CLVS1: variants seen among roughly 807,000 people sequenced by gnomAD.
The protein encoded by CLVS1 is clavesin 1.
In CLVS1, 10 loss-of-function variants were observed where a neutral mutation model predicts 33.1. That is an observed-to-expected ratio of 0.30 (90% CI 0.19 to 0.51). The LOEUF (loss-of-function observed/expected upper bound fraction) is 0.51. Among genes scored for constraint, CLVS1 ranks in the 20% least tolerant of loss-of-function variants. The pLI, the probability that CLVS1 is intolerant of heterozygous loss-of-function variation, is 0.97. For synonymous variants in CLVS1, 163 were observed against 166.1 expected (o/e 0.98, Z 0.14); for missense variants, 343 against 433.4 (o/e 0.79, Z 1.85).
chr8:61,298,639 A>G (rs1463881914), intron 1 of CLVS1, among the ~76,000 whole-genome samples: 1 of 152,222 alleles, frequency 6.6e-6, no homozygotes, highest in African/African-American at 2.4e-5. Context: ...GATTGACTTA[A>G]GAAAGCTAGG....
chr8:61,202,997 C>T, intron 2 of CLVS1: 2 of 1,409,170 alleles, frequency 1.4e-6, no homozygotes, highest in South Asian at 2.3e-5. Flanking sequence ...AAACCATCAA[C>T]ACCAAGATCA....
intron 2 of CLVS1, among the ~76,000 whole-genome samples, chr8:61,249,509 A>G (rs1294104543): frequency 6.6e-6 from 1 of 152,160 alleles, no homozygotes; most frequent in African/African-American, 2.4e-5. Flanking sequence ...GTCTTCCACA[A>G]TGGTTGAACT....
chr8:61,467,005 C>A (rs1817569892), intron 5 of CLVS1, among the ~76,000 whole-genome samples: 1 of 152,188 alleles, frequency 6.6e-6, no homozygotes, highest in South Asian at 2.1e-4. Context: ...CATGATGTAA[C>A]TACTGGTGAA....
At chr8:61,357,418 A>G (rs962730351) in intron 2 of CLVS1, among the ~76,000 whole-genome samples, 1 of 148,250 alleles carries the variant, frequency 6.7e-6, no homozygotes, top group Non-Finnish European at 1.5e-5. Context: ...TGGTAAGTAT[A>G]TCACTGCAGT....
At chr8:61,322,837 C>G (rs1412250447) in intron 2 of CLVS1, among the ~76,000 whole-genome samples, 1 of 152,120 alleles carries the variant, frequency 6.6e-6, no homozygotes, top group Non-Finnish European at 1.5e-5. Flanking sequence ...ACCTAAAACA[C>G]TTTTCAAGAT....
chr8:61,471,448 T>G (rs1316492998), intron 5 of CLVS1, among the ~76,000 whole-genome samples: 3 of 152,162 alleles, frequency 2.0e-5, no homozygotes, highest in Non-Finnish European at 4.4e-5. Flanking sequence ...CAGGTAATGA[T>G]TATGCATGGT....
At chr8:61,247,964 G>A (rs530846373) in intron 2 of CLVS1, among the ~76,000 whole-genome samples, 2 of 152,098 alleles carry the variant, frequency 1.3e-5, no homozygotes, top group Admixed American at 6.6e-5. Context: ...TTTTGTATAT[G>A]GTGTAAGGAA....
the CLVS1 span, among the ~76,000 whole-genome samples, chr8:61,021,641 A>G: frequency 2.6e-5 from 4 of 151,950 alleles, no homozygotes; most frequent in African/African-American, 9.7e-5. Context: ...GGATTACCGC[A>G]TGAGCGCACC....
chr8:61,362,515 C>T (rs368685204), intron 2 of CLVS1, among the ~76,000 whole-genome samples: 65 of 152,214 alleles, frequency 4.3e-4, no homozygotes, highest in Middle Eastern at 3.4e-3. Flanking sequence ...AGGTTACTAC[C>T]ATTTGGATGG....
At chr8:61,348,020 A>T (rs1302556038) in intron 2 of CLVS1, among the ~76,000 whole-genome samples, 1 of 151,752 alleles carries the variant, frequency 6.6e-6, no homozygotes, top group East Asian at 1.9e-4. Flanking sequence ...ATACATTGTT[A>T]TTAACTATAG....
the CLVS1 span, among the ~76,000 whole-genome samples, chr8:60,991,161 C>T: frequency 1.3e-5 from 2 of 152,048 alleles, no homozygotes; most frequent in African/African-American, 2.4e-5. Context: ...AATAATACTA[C>T]TACAAGACAT....
chr8:61,404,594 C>T (rs1042373937), intron 3 of CLVS1, among the ~76,000 whole-genome samples: 3 of 152,038 alleles, frequency 2.0e-5, no homozygotes, highest in East Asian at 1.9e-4. Flanking sequence ...AGTGACAAGA[C>T]GCAAAGCCCC....
intron 3 of CLVS1, among the ~76,000 whole-genome samples, chr8:61,448,656 A>C (rs1436114848): frequency 6.6e-6 from 1 of 151,644 alleles, no homozygotes. Flanking sequence ...CAAAAGGATC[A>C]CTTGAGGCCG....
chr8:61,479,205 C>G (rs536502390), intron 5 of CLVS1, among the ~76,000 whole-genome samples: 112 of 152,284 alleles, frequency 7.4e-4, no homozygotes, highest in Non-Finnish European at 1.5e-3. Context: ...CTCTCCATCA[C>G]TTTCAGGTAC....
In CLVS1 at chr8:61,297,437, T is replaced by C. The variant is rs571567439; in HGVS notation, c.-151-2240T>C. Among the ~76,000 whole-genome samples, 5 of 152,198 alleles carry C rather than the reference T, an allele frequency of 3.3e-5. No homozygotes were observed. The East Asian group carries it at 7.7e-4, about 24-fold the overall frequency. ...AAATATTATGGAAGTGATTGCCTGA[T>C]AGTGGGCGATAAGAGGGAGAGTGGA... On this transcript the variant is annotated intron_variant, in intron 1 of 5. Coordinates refer to ENST00000325897, the MANE Select transcript of CLVS1 (RefSeq NM_173519.3).
intron 2 of CLVS1, among the ~76,000 whole-genome samples, chr8:61,345,783 A>G (rs1812197169): frequency 6.6e-6 from 1 of 151,906 alleles, no homozygotes; most frequent in South Asian, 2.1e-4. Flanking sequence ...AGGTGACTGA[A>G]CAGCTTCTAT....
chr8:60,966,709 T>C, the CLVS1 span, among the ~76,000 whole-genome samples: 1 of 152,196 alleles, frequency 6.6e-6, no homozygotes, highest in Non-Finnish European at 1.5e-5. Context: ...TGAACACAAA[T>C]CTTTAGCAAG....
At chr8:61,242,248 C>G (rs907699871) in intron 2 of CLVS1, among the ~76,000 whole-genome samples, 1 of 152,082 alleles carries the variant, frequency 6.6e-6, no homozygotes, top group Non-Finnish European at 1.5e-5. Context: ...TGGCCCCATT[C>G]TTTCTCTCTG....
intron 3 of CLVS1, among the ~76,000 whole-genome samples, chr8:61,427,210 C>T (rs1815928550): frequency 6.6e-6 from 1 of 152,172 alleles, no homozygotes; most frequent in Non-Finnish European, 1.5e-5. Context: ...TCTTTGTCCT[C>T]TCAACTTCTT....
Sources: gnomAD v4.1 joint callset for allele counts (sites outside exome capture counted in the v4.1 genomes callset) on GRCh38, gnomAD v4.1.1 for gene constraint, MANE v1.5 for transcripts, NCBI Gene and HGNC (gene_info 2026-07-23, HGNC 2026-07-21) for gene names.